PTPRD: variants seen among roughly 807,000 people sequenced by gnomAD.
The protein encoded by PTPRD is protein tyrosine phosphatase receptor type D.
Under a neutral mutation model 214.5 loss-of-function variants are expected in PTPRD, and 34 were observed. The ratio of observed to expected loss-of-function variants is 0.16; its 90% confidence interval spans 0.12 to 0.21. PTPRD has a LOEUF of 0.21. PTPRD is among the 10% of genes least tolerant of loss of function. The probability of loss-of-function intolerance (pLI) is 1.00; values close to 1 mark genes in which losing one functional copy is unlikely to be tolerated. For synonymous variants in PTPRD, 1,128 were observed against 845.7 expected, an observed-to-expected ratio of 1.33 and a Z score of -5.79; for missense variants, 2,545 against 2,398.7, an observed-to-expected ratio of 1.06 and a Z score of -1.27.
intron 2 of PTPRD, among the ~76,000 whole-genome samples, chr9:10,563,588 T>C (rs971420313): frequency 1.3e-5 from 2 of 152,202 alleles, no homozygotes; most frequent in East Asian, 1.9e-4. Flanking sequence ...TATTTCAATG[T>C]AGAAATTCAA....
chr9:8,924,501 T>TAAA (rs370920757), intron 11 of PTPRD, among the ~76,000 whole-genome samples: 54 of 152,286 alleles, frequency 3.5e-4, no homozygotes, highest in African/African-American at 1.2e-3. Flanking sequence ...GGGAGGCAAA[T>TAAA]ATTCTTCTTG....
At chr9:9,410,349 T>A (rs964721177) in intron 8 of PTPRD, among the ~76,000 whole-genome samples, 1 of 152,150 alleles carries the variant, frequency 6.6e-6, no homozygotes, top group African/African-American at 2.4e-5. Context: ...ATACCAAAAA[T>A]AAAATACTTT....
At chr9:9,883,522 G>A (rs975257392) in intron 5 of PTPRD, among the ~76,000 whole-genome samples, 1 of 152,080 alleles carries the variant, frequency 6.6e-6, no homozygotes, top group Admixed American at 6.6e-5. Flanking sequence ...GTACTTCCCG[G>A]TTTTCACTCT....
intron 7 of PTPRD, among the ~76,000 whole-genome samples, chr9:9,694,550 T>G (rs946656174): frequency 2.0e-5 from 3 of 151,840 alleles, no homozygotes; most frequent in African/African-American, 4.8e-5. Context: ...GCTCTACCCT[T>G]CAGGATTGCG....
At chr9:9,472,970 G>T (rs1462795674) in intron 8 of PTPRD, among the ~76,000 whole-genome samples, 1 of 151,968 alleles carries the variant, frequency 6.6e-6, no homozygotes, top group Non-Finnish European at 1.5e-5. Flanking sequence ...ATTTCTTTGT[G>T]TTGTTAACAC....
chr9:9,144,417 A>G (rs897040754), intron 10 of PTPRD, among the ~76,000 whole-genome samples: 2 of 152,208 alleles, frequency 1.3e-5, no homozygotes, highest in Non-Finnish European at 2.9e-5. Context: ...TGGAAACATT[A>G]AGTGGTACCT....
chr9:9,714,584 A>G (rs1270844871), intron 7 of PTPRD, among the ~76,000 whole-genome samples: 2 of 152,236 alleles, frequency 1.3e-5, no homozygotes, highest in African/African-American at 4.8e-5. Context: ...GTAACCCTGT[A>G]TTTCTTTAGC....
At chr9:9,720,688 C>T (rs532288801) in intron 7 of PTPRD, among the ~76,000 whole-genome samples, 28 of 152,074 alleles carry the variant, frequency 1.8e-4, no homozygotes, top group Non-Finnish European at 3.1e-4. Flanking sequence ...AACATACATA[C>T]ACAGGAGTTT....
chr9:9,569,227 T>A (rs1225063802), intron 8 of PTPRD, among the ~76,000 whole-genome samples: 1 of 150,966 alleles, frequency 6.6e-6, no homozygotes, highest in Non-Finnish European at 1.5e-5. Flanking sequence ...ATAAGTGTAA[T>A]GAAATTAAAA....
chr9:10,218,255 C>A (rs562944697), intron 3 of PTPRD, among the ~76,000 whole-genome samples: 1 of 151,966 alleles, frequency 6.6e-6, no homozygotes. Flanking sequence ...AGCAAGCACA[C>A]AAACAAATGA....
chr9:8,928,636 C>A (rs1034711764), intron 11 of PTPRD, among the ~76,000 whole-genome samples: 3 of 151,936 alleles, frequency 2.0e-5, no homozygotes, highest in Non-Finnish European at 4.4e-5. Flanking sequence ...ATGCCTCTGG[C>A]TTTGTTCTTT....
At chr9:10,361,436 G>A (rs757109226) in intron 2 of PTPRD, among the ~76,000 whole-genome samples, 17 of 152,244 alleles carry the variant, frequency 1.1e-4, no homozygotes, top group Non-Finnish European at 2.2e-4. Flanking sequence ...AAGGGTACAG[G>A]GGTAAGTTAC....
intron 3 of PTPRD, among the ~76,000 whole-genome samples, chr9:10,207,950 A>G (rs2099492281): frequency 6.6e-6 from 1 of 152,216 alleles, no homozygotes; most frequent in Non-Finnish European, 1.5e-5. Context: ...ATTCCCACAC[A>G]TTCAGAGTTG....
intron 11 of PTPRD, among the ~76,000 whole-genome samples, chr9:8,759,178 G>A (rs998669767): frequency 5.3e-5 from 8 of 151,924 alleles, no homozygotes; most frequent in African/African-American, 9.7e-5. Context: ...TGACAGACAC[G>A]TACCACCTTA....
intron 2 of PTPRD, among the ~76,000 whole-genome samples, chr9:10,454,551 T>C (rs540131949): frequency 1.3e-5 from 2 of 151,820 alleles, no homozygotes; most frequent in East Asian, 3.9e-4. Context: ...CCTACTTTAC[T>C]GAAAAGATAC....
At chr9:10,564,171 C>CTT (rs71332760) in intron 2 of PTPRD, among the ~76,000 whole-genome samples, 1,152 of 29,362 alleles carry the variant, frequency 0.039, 324 homozygotes, top group African/African-American at 0.16. Context: ...CTAGGCTATT[C>CTT]TTTTTTTTTT....
intron 11 of PTPRD, among the ~76,000 whole-genome samples, chr9:8,943,301 G>C (rs1011456186): frequency 6.6e-6 from 1 of 151,802 alleles, no homozygotes; most frequent in Non-Finnish European, 1.5e-5. Flanking sequence ...GAACACAAAA[G>C]ACTCAGAGTA....
At chr9:8,675,538 CAAAAAAAAAAAAA>C (rs61509653) in intron 12 of PTPRD, among the ~76,000 whole-genome samples, 1 of 49,112 alleles carries the variant, frequency 2.0e-5, no homozygotes, top group Non-Finnish European at 3.5e-5. Flanking sequence ...CACACACACA[CAAAAAAAAAAAAA>C]AAAAAAAAAA....
intron 2 of PTPRD, among the ~76,000 whole-genome samples, chr9:10,355,235 G>C (rs142031086): frequency 0.013 from 2,034 of 152,122 alleles, 174 homozygotes; most frequent in Admixed American, 0.12. Context: ...ATTTAATAGA[G>C]CATTGTGTGA....
Sources: gnomAD v4.1 joint callset for allele counts (sites outside exome capture counted in the v4.1 genomes callset) on GRCh38, gnomAD v4.1.1 for gene constraint, MANE v1.5 for transcripts, NCBI Gene and HGNC (gene_info 2026-07-23, HGNC 2026-07-21) for gene names.